The following TNFRSF1A variants were observed in gnomAD, a reference collection of about 807,000 sequenced individuals.
The protein encoded by TNFRSF1A is TNF receptor superfamily member 1A.
TNFRSF1A carries 9 observed loss-of-function variants against 41.6 expected under a neutral mutation model. That is an observed-to-expected ratio of 0.22 (90% CI 0.13 to 0.38). TNFRSF1A has a LOEUF of 0.38. TNFRSF1A is among the 10% of genes least tolerant of loss of function. The pLI is 1.00. For synonymous variants in TNFRSF1A, 254 were observed against 248.6 expected (o/e 1.02, Z -0.21); for missense variants, 463 against 591.5 (o/e 0.78, Z 2.25).
rs1376367791 is a variant in TNFRSF1A, at chr12:6,333,696, C to G, written c.322+41G>C. ...TGCACATAGACAGGCACCCACACAC[C>G]ACTCAAGACCCGCCTGACTCTCCTG... On this transcript the variant is annotated intron_variant, in intron 3 of 9. Transcript: ENST00000162749. This position sits in a 1 kb window ranked among gnomAD's most constrained non-coding sequence, Gnocchi z 6.3. 1.3e-6 allele frequency: 2 copies of G among 1,560,368 alleles called. No homozygotes were observed. The highest frequency in any genetic ancestry group is 4.8e-5 in the East Asian group (2 of 41,798).
Position 6,341,800 on chromosome 12 carries a change from G to C in TNFRSF1A, c.15C>G (p.Thr5=). The C allele has an allele frequency of 6.2e-7, 1 of 1,614,140 alleles. No individual in the cohort carries two copies. Among genetic ancestry groups the C allele is most frequent in the Non-Finnish European group, 8.5e-7 (1 of 1,180,008 alleles). The change falls in exon 1 of 10, where the codon ACC becomes ACG. Residue 5 remains threonine (T), a synonymous_variant. Coordinates refer to ENST00000162749, the MANE Select transcript of TNFRSF1A (RefSeq NM_001065.4). The surrounding 1 kb of genome is among the most constrained non-coding windows in gnomAD (Gnocchi z 4.6). MGLS[T]VPDLLLPLVL... ...CCAGTGGCAGCAGCAGGTCAGGCACGGTGGAGAGGCCCATGCCAGACAGCT... is the reference window on the plus strand; with the variant it reads ...CCAGTGGCAGCAGCAGGTCAGGCACCGTGGAGAGGCCCATGCCAGACAGCT...
intron 1 of TNFRSF1A, among the ~76,000 whole-genome samples, chr12:6,339,816 TTCTCTC>T (rs71450139): frequency 0.26 from 35,754 of 138,640 alleles, 5,432 homozygotes; most frequent in Non-Finnish European, 0.35. Context: ...CCTACCCCAC[TTCTCTC>T]TCTCTCTCTC....
Position 6,328,935 on chromosome 12 carries a change from AAAAACAAAAC to A in TNFRSF1A, c.*367_*376del, listed in dbSNP as rs554776242. ...TCTATTAGTGTAACATGATTGATTT[AAAAACAAAAC>A]AAAACAAAACAAAAACAAAAAAAAC... On this transcript the variant is annotated 3_prime_UTR_variant, in exon 10 of 10. Transcript: ENST00000162749. 595 of 240,074 alleles carry A rather than the reference AAAAACAAAAC, an allele frequency of 2.5e-3. 12 individuals carry two copies. In the Admixed American group the frequency reaches 0.029, roughly 12 times the overall value. The allele number at this position is 240,074 out of a possible 1,614,324, so 14.9% of individuals were successfully genotyped here.
chr12:6,340,855 C>T lies in TNFRSF1A; in HGVS notation c.39+921G>A, dbSNP rs547867959. On this transcript the variant is annotated intron_variant, in intron 1 of 9. Coordinates refer to ENST00000162749, the MANE Select transcript of TNFRSF1A (RefSeq NM_001065.4). ...AAGACGTGGAGGACGATCAAGGATA[C>T]ATTGAAACAAGGCTGAGGCCAGAGA... is the stretch of plus-strand genomic sequence containing the variant. Among the ~76,000 whole-genome samples, 22 of 152,310 alleles carry T rather than the reference C, an allele frequency of 1.4e-4. No individual in the cohort carries two copies. The South Asian group carries it at 3.1e-3, about 22-fold the overall frequency.
At chr12:6,335,403 G>A (rs1948107797) in intron 1 of TNFRSF1A, among the ~76,000 whole-genome samples, 1 of 152,164 alleles carries the variant, frequency 6.6e-6, no homozygotes, top group African/African-American at 2.4e-5. Context: ...TCAGAGCTGA[G>A]GGCGTGCTGG....
chr12:6,331,684 AC>A (rs1948051467), intron 5 of TNFRSF1A: 1 of 170,206 alleles, frequency 5.9e-6, no homozygotes, highest in Non-Finnish European at 1.3e-5. Context: ...GGTGAGAACC[AC>A]ATAGAATGGT....
Position 6,341,693 on chromosome 12 carries a change from T to G in TNFRSF1A, c.39+83A>C. 6.5e-7 allele frequency: 1 copy of G among 1,536,602 alleles called. No individual in the cohort carries two copies. Among genetic ancestry groups the G allele is most frequent in the East Asian group, 2.3e-5 (1 of 43,786 alleles). On this transcript the variant is annotated intron_variant, in intron 1 of 9. Transcript: ENST00000162749. This position sits in a 1 kb window ranked among gnomAD's most constrained non-coding sequence, Gnocchi z 4.6. ...AGGACCAGGCCCGGGCAGGAGAGGC[T>G]CGGCCCCCTCCCGGAGAGGGCCCAC...
intron 1 of TNFRSF1A, among the ~76,000 whole-genome samples, chr12:6,338,356 G>A (rs4149577): frequency 0.62 from 93,523 of 151,832 alleles, 30,725 homozygotes; most frequent in African/African-American, 0.86. Context: ...GTGATCTCTC[G>A]GTCCTCTCCG....
At position 6,334,686 on chromosome 12, in the gene TNFRSF1A, G is replaced by C. The variant is rs1197952082; in HGVS notation, c.40-442C>G. ...CTAATTTTTTTTTATTTTTAGTAGA[G>C]GCAGGGTCTTGTTACGTTGCTCAGA... On this transcript the variant is annotated intron_variant, in intron 1 of 9. Coordinates refer to ENST00000162749, the MANE Select transcript of TNFRSF1A (RefSeq NM_001065.4). The surrounding 1 kb of genome is among the most constrained non-coding windows in gnomAD (Gnocchi z 5.1). Among the ~76,000 whole-genome samples, 1 of 151,994 alleles carries C rather than the reference G, an allele frequency of 6.6e-6. No individual in the cohort carries two copies. Among genetic ancestry groups the C allele is most frequent in the Non-Finnish European group, 1.5e-5 (1 of 67,986 alleles).
chr12:6,338,734 T>A (rs1948150566), intron 1 of TNFRSF1A, among the ~76,000 whole-genome samples: 1 of 151,938 alleles, frequency 6.6e-6, no homozygotes, highest in South Asian at 2.1e-4. Context: ...GCCCAAGCCG[T>A]CCTCCCGAGC....
In TNFRSF1A at chr12:6,334,690, G is replaced by C. The variant is rs941480714; in HGVS notation, c.40-446C>G. Among the ~76,000 whole-genome samples the C allele has an allele frequency of 6.6e-6, 1 of 152,110 alleles. No homozygotes were observed. The highest frequency in any genetic ancestry group is 1.5e-5 in the Non-Finnish European group (1 of 68,020). On this transcript the variant is annotated intron_variant, in intron 1 of 9. Transcript: ENST00000162749. This position sits in a 1 kb window ranked among gnomAD's most constrained non-coding sequence, Gnocchi z 5.1. ...TTTTTTTTTATTTTTAGTAGAGGCA[G>C]GGTCTTGTTACGTTGCTCAGACTGG...
Position 6,334,230 on chromosome 12 carries a change from C to T in TNFRSF1A, c.54G>A (p.Leu18=), listed in dbSNP as rs1454940336. The T allele has an allele frequency of 6.2e-7, 1 of 1,613,568 alleles. No individual in the cohort carries two copies. Among genetic ancestry groups the T allele is most frequent in the East Asian group, 2.2e-5 (1 of 44,868 alleles). ...CCCCTGAGGGGTATATTCCCACCAA[C>T]AGCTCCAGGAGCACCTGGGGAAGAA... ...DLLLPLVLLE[L]LVGIYPSGVI... is the part of the protein sequence containing the mutation. Residue 18 remains leucine (L), a synonymous_variant, in exon 2 of 10, where the codon CTG becomes CTA. Coordinates refer to ENST00000162749, the MANE Select transcript of TNFRSF1A (RefSeq NM_001065.4). This position sits in a 1 kb window ranked among gnomAD's most constrained non-coding sequence, Gnocchi z 5.1.
Position 6,337,434 on chromosome 12 carries a change from A to T in TNFRSF1A, c.40-3190T>A, listed in dbSNP as rs549094747. Among the ~76,000 whole-genome samples the T allele has an allele frequency of 6.6e-6, 1 of 152,264 alleles. No individual in the cohort carries two copies. Among genetic ancestry groups the T allele is most frequent in the South Asian group, 2.1e-4 (1 of 4,820 alleles). On this transcript the variant is annotated intron_variant, in intron 1 of 9. Coordinates refer to ENST00000162749, the MANE Select transcript of TNFRSF1A (RefSeq NM_001065.4). The surrounding 1 kb of genome is among the most constrained non-coding windows in gnomAD (Gnocchi z 4.6). ...TGCAGAGTGGGGAGGCGACGCTGAG[A>T]TCGGCCTTGTGGTCTGACCCCGATC...
chr12:6,333,190 A>AC lies in TNFRSF1A; in HGVS notation c.473-44dup, dbSNP rs766599201. 3 of 1,598,562 alleles carry AC rather than the reference A, an allele frequency of 1.9e-6. No homozygotes were observed. Among genetic ancestry groups the AC allele is most frequent in the Non-Finnish European group, 2.6e-6 (3 of 1,167,476 alleles). On this transcript the variant is annotated intron_variant, in intron 4 of 9. Coordinates refer to ENST00000162749, the MANE Select transcript of TNFRSF1A (RefSeq NM_001065.4). This position sits in a 1 kb window ranked among gnomAD's most constrained non-coding sequence, Gnocchi z 6.3. Reference sequence around the variant, plus strand: ...GCACAGCTAAAGGAGAAGCGCCTGCACCCCCACCCCACAGGACAGAGGAAG... The same window carrying AC: ...GCACAGCTAAAGGAGAAGCGCCTGCACCCCCCACCCCACAGGACAGAGGAAG...
In TNFRSF1A at chr12:6,341,723, G is replaced by T; in HGVS notation, c.39+53C>A. On this transcript the variant is annotated intron_variant, in intron 1 of 9. Coordinates refer to ENST00000162749, the MANE Select transcript of TNFRSF1A (RefSeq NM_001065.4). This position sits in a 1 kb window ranked among gnomAD's most constrained non-coding sequence, Gnocchi z 4.6. Reference sequence around the variant, plus strand: ...CCCCTCCCGGAGAGGGCCCACGCCAGCCGGAAGGTGCCTCGCCCACCAGCC... The same window carrying T: ...CCCCTCCCGGAGAGGGCCCACGCCATCCGGAAGGTGCCTCGCCCACCAGCC... The T allele has an allele frequency of 1.2e-6, 2 of 1,607,198 alleles. No individual in the cohort carries two copies. The highest frequency in any genetic ancestry group is 1.7e-6 in the Non-Finnish European group (2 of 1,175,668).
Position 6,329,126 on chromosome 12 carries a change from C to T in TNFRSF1A, c.*186G>A, listed in dbSNP as rs113971071. 1 of 526,114 alleles carries T rather than the reference C, an allele frequency of 1.9e-6. No homozygotes were observed. The highest frequency in any genetic ancestry group is 3.0e-6 in the Non-Finnish European group (1 of 330,016). 32.6% of individuals were successfully genotyped at this position (526,114 alleles called of 1,614,324 possible). A position where few individuals can be genotyped will look rare whatever the true frequency, so the allele number is the denominator to read the frequency against. Reference sequence around the variant, plus strand: ...AGCCCACGGCGCACCTCTCTCCGCGCGCACAGCGCTGACTGTCGGCGGCGC... The same window carrying T: ...AGCCCACGGCGCACCTCTCTCCGCGTGCACAGCGCTGACTGTCGGCGGCGC... On this transcript the variant is annotated 3_prime_UTR_variant, in exon 10 of 10. Transcript: ENST00000162749.
rs370713275 is a variant in TNFRSF1A at position 6,340,049 on chromosome 12, C to T, written c.39+1727G>A. ...ACTTCCCTTTACCTGTTCAGGCTAC[C>T]TTTACCCTCTGTTTTCCCAACACAG... On this transcript the variant is annotated intron_variant, in intron 1 of 9. Transcript: ENST00000162749. Among the ~76,000 whole-genome samples, 14 of 152,294 alleles carry T rather than the reference C, an allele frequency of 9.2e-5. No individual in the cohort carries two copies. In the East Asian group the frequency reaches 1.4e-3, roughly 15 times the overall value.
rs1948101221 is a variant in TNFRSF1A, at chr12:6,334,937, G to A, written c.40-693C>T. Among the ~76,000 whole-genome samples the A allele has an allele frequency of 6.6e-6, 1 of 152,194 alleles. No homozygotes were observed. The highest frequency in any genetic ancestry group is 1.5e-5 in the Non-Finnish European group (1 of 68,044). On this transcript the variant is annotated intron_variant, in intron 1 of 9. Transcript: ENST00000162749. This position sits in a 1 kb window ranked among gnomAD's most constrained non-coding sequence, Gnocchi z 5.1. ...CTTCCAACAAGCAGCCCTAAAGATT[G>A]GGGCGGTGTTTCTCCATCTGGGTGC...
intron 1 of TNFRSF1A, among the ~76,000 whole-genome samples, chr12:6,336,955 G>C (rs571043120): frequency 6.6e-6 from 1 of 152,346 alleles, no homozygotes; most frequent in South Asian, 2.1e-4. Flanking sequence ...AACAAGGCCA[G>C]TTCTGAGTCT....
Sources: gnomAD v4.1 joint callset for allele counts (sites outside exome capture counted in the v4.1 genomes callset) on GRCh38, gnomAD v4.1.1 for gene constraint, Gnocchi (gnomAD v3.1) non-coding constraint, MANE v1.5 for transcripts, NCBI Gene and HGNC (gene_info 2026-07-23, HGNC 2026-07-21) for gene names.